Variants in TEX9 observed in about 807,000 individuals in gnomAD.
TEX9 encodes the protein testis expressed 9.
Under a neutral mutation model 59.6 loss-of-function variants are expected in TEX9, and 74 were observed. That is an observed-to-expected ratio of 1.24 (90% CI 1.03 to 1.51). The LOEUF is 1.51. Among genes scored for constraint, TEX9 ranks in the 40% most tolerant of loss-of-function variants. The probability of loss-of-function intolerance (pLI) is 0.00; values close to 1 mark genes in which losing one functional copy is unlikely to be tolerated. For synonymous variants in TEX9, 186 were observed against 152.2 expected (o/e 1.22, Z -1.64); for missense variants, 522 against 447.8 (o/e 1.17, Z -1.49).
intron 2 of TEX9, among the ~76,000 whole-genome samples, chr15:56,372,399 T>C (rs1414049147): frequency 1.3e-5 from 2 of 152,204 alleles, no homozygotes; most frequent in African/African-American, 4.8e-5. Context: ...GATATCTAAT[T>C]TTTAAAATCC....
At chr15:56,433,373 C>T (rs2050651460) in intron 12 of TEX9, among the ~76,000 whole-genome samples, 1 of 151,758 alleles carries the variant, frequency 6.6e-6, no homozygotes, top group South Asian at 2.1e-4. Context: ...CACATGTATA[C>T]CTGTGTAACA....
chr15:56,270,297 C>G (rs1423568669), intron 1 of TEX9, among the ~76,000 whole-genome samples: 2 of 152,126 alleles, frequency 1.3e-5, no homozygotes, highest in East Asian at 3.8e-4. Context: ...TTTTATAGGT[C>G]TCTCAGGACT....
At chr15:56,282,504 T>TA in intron 1 of TEX9, among the ~76,000 whole-genome samples, 1 of 152,224 alleles carries the variant, frequency 6.6e-6, no homozygotes, top group Non-Finnish European at 1.5e-5. Flanking sequence ...GTCAATGCAA[T>TA]AAAGGTGAAC....
At chr15:56,262,647 T>C (rs1217758121) in intron 1 of TEX9, among the ~76,000 whole-genome samples, 3 of 152,254 alleles carry the variant, frequency 2.0e-5, no homozygotes, top group Non-Finnish European at 2.9e-5. Context: ...TCAAATATTC[T>C]ATATAATTTC....
chr15:56,427,819 A>G (rs2050384325), intron 11 of TEX9, 80 bp downstream of exon 11: 9 of 1,160,566 alleles, frequency 7.8e-6, no homozygotes, highest in African/African-American at 1.6e-5. Context: ...CACTTTAGGT[A>G]TGTTTTTGAC....
At chr15:56,403,259 C>T (rs1234928601) in intron 9 of TEX9, among the ~76,000 whole-genome samples, 1 of 152,236 alleles carries the variant, frequency 6.6e-6, no homozygotes, top group East Asian at 1.9e-4. Context: ...CCAAAATCTC[C>T]TTAAGCTGAT....
chr15:56,409,127 C>T (rs1364368857), intron 9 of TEX9, among the ~76,000 whole-genome samples: 8 of 151,458 alleles, frequency 5.3e-5, no homozygotes, highest in Non-Finnish European at 1.0e-4. Flanking sequence ...ACCCGGGAGG[C>T]GGTGCTTGCA....
At chr15:56,318,031 T>C (rs1596085117) in intron 1 of TEX9, among the ~76,000 whole-genome samples, 1 of 152,152 alleles carries the variant, frequency 6.6e-6, no homozygotes, top group Non-Finnish European at 1.5e-5. Context: ...TCTTCTGCTT[T>C]CTTGTTTATA....
chr15:56,337,586 C>T (rs1195162068), intron 1 of TEX9, among the ~76,000 whole-genome samples: 1 of 152,084 alleles, frequency 6.6e-6, no homozygotes, highest in Admixed American at 6.6e-5. Flanking sequence ...TAAAAGGCAC[C>T]AGGGAAGACC....
At chr15:56,428,279 T>C in intron 11 of TEX9, 88 bp from the exon 12 acceptor site, 3 of 887,090 alleles carry the variant, frequency 3.4e-6, no homozygotes, top group Non-Finnish European at 5.5e-6. Flanking sequence ...TCTGACAATA[T>C]ATTATCCACA....
intron 1 of TEX9, among the ~76,000 whole-genome samples, chr15:56,271,937 G>A (rs778024330): frequency 2.0e-5 from 3 of 152,146 alleles, no homozygotes; most frequent in South Asian, 2.1e-4. Context: ...TCAGGAGATC[G>A]AGACCATCCC....
chr15:56,429,082 T>C (rs748500354), intron 12 of TEX9: 5 of 1,516,758 alleles, frequency 3.3e-6, no homozygotes, highest in Non-Finnish European at 4.5e-6. Flanking sequence ...AATCTATGCT[T>C]TACCCAATTT....
At chr15:56,250,726 C>T (rs1369960385) in intron 1 of TEX9, among the ~76,000 whole-genome samples, 3 of 151,868 alleles carry the variant, frequency 2.0e-5, no homozygotes, top group African/African-American at 7.3e-5. Flanking sequence ...ATAGTGGATG[C>T]TGCAACCCAC....
At chr15:56,293,881 T>C (rs1256092099) in intron 1 of TEX9, among the ~76,000 whole-genome samples, 1 of 152,260 alleles carries the variant, frequency 6.6e-6, no homozygotes, top group African/African-American at 2.4e-5. Context: ...GTCTCTTCCC[T>C]TGGATTTATT....
the TEX9 span, among the ~76,000 whole-genome samples, chr15:56,452,536 T>G: frequency 1.4e-5 from 2 of 138,420 alleles, no homozygotes; most frequent in South Asian, 2.3e-4. Context: ...TTTTTTTTTT[T>G]GAGACAGAGT....
intron 1 of TEX9, among the ~76,000 whole-genome samples, chr15:56,342,960 A>G (rs1452697758): frequency 6.6e-6 from 1 of 152,160 alleles, no homozygotes; most frequent in African/African-American, 2.4e-5. Context: ...ATCTTTTCCT[A>G]AGGGCAACAA....
chr15:56,389,745 G>C (rs560113067), intron 6 of TEX9, among the ~76,000 whole-genome samples: 10 of 151,542 alleles, frequency 6.6e-5, no homozygotes, highest in Non-Finnish European at 1.3e-4. Context: ...CAATAGTGTA[G>C]TTTTTGAGTA....
chr15:56,405,310 GAAAAAA>G (rs1221876149), intron 9 of TEX9, among the ~76,000 whole-genome samples: 1 of 95,964 alleles, frequency 1.0e-5, no homozygotes, highest in Non-Finnish European at 2.2e-5. Flanking sequence ...CCGTCTCAAA[GAAAAAA>G]AAAAAAAAAA....
At chr15:56,261,623 A>C (rs572810413) in intron 1 of TEX9, among the ~76,000 whole-genome samples, 4 of 152,160 alleles carry the variant, frequency 2.6e-5, no homozygotes, top group East Asian at 3.9e-4. Flanking sequence ...AAGCTGAGGC[A>C]TGGGAATCAC....
Sources: allele counts gnomAD v4.1 joint callset (sites outside exome capture counted in the v4.1 genomes callset), GRCh38; gene constraint gnomAD v4.1.1; transcripts MANE v1.5; gene names NCBI Gene and HGNC (gene_info 2026-07-23, HGNC 2026-07-21).